The following PPDPFL variants were observed in gnomAD, a reference collection of about 807,000 sequenced individuals.
The protein encoded by PPDPFL is pancreatic progenitor cell differentiation and proliferation factor like, also known as pancreatic progenitor cell differentiation and proliferation factor-like protein.
Under a neutral mutation model 12.6 loss-of-function variants are expected in PPDPFL, and 12 were observed. The ratio of observed to expected loss-of-function variants is 0.95; its 90% CI spans 0.61 to 1.54. PPDPFL has a LOEUF of 1.54. PPDPFL is among the 40% of genes most tolerant of loss of function. PPDPFL has a pLI of 0.00. For synonymous variants in PPDPFL, 24 were observed against 32.7 expected, an observed-to-expected ratio of 0.73 and a Z score of 0.91; for missense variants, 114 against 96.0, an observed-to-expected ratio of 1.19 and a Z score of -0.78.
intron 1 of PPDPFL, among the ~76,000 whole-genome samples, chr8:49,060,383 G>A (rs1808179519): frequency 6.6e-6 from 1 of 151,900 alleles, no homozygotes; most frequent in South Asian, 2.1e-4. Context: ...GCAGGATCTC[G>A]GCTCACCTCA....
intron 1 of PPDPFL, chr8:49,054,374 A>G (rs1399112096): frequency 6.6e-6 from 1 of 152,128 alleles, no homozygotes; most frequent in Non-Finnish European, 1.5e-5. Context: ...GGCATAGTAA[A>G]TATATTTTCT....
chr8:49,072,738 A>C, intron 1 of PPDPFL, 49 bp from the exon 2 acceptor site: 1 of 844,942 alleles, frequency 1.2e-6, no homozygotes. Context: ...AAGAAAAGGA[A>C]ACTCCCTGTT....
chr8:49,075,302 C>T lies in PPDPFL; in HGVS notation c.*129C>T. On this transcript the variant is annotated 3_prime_UTR_variant, in exon 5 of 5. Transcript: ENST00000522267. The stretch of plus-strand genomic sequence containing the variant: ...CAGTGGTCCATACATGAACAGCTCC[C>T]CTTCAGCGCCCCAGCTATTCCAGGA... The T allele has an allele frequency of 1.3e-6, 2 of 1,580,430 alleles. No individual in the cohort carries two copies. Among genetic ancestry groups the T allele is most frequent in the Non-Finnish European group, 8.7e-7 (1 of 1,149,384 alleles).
chr8:49,071,323 AG>A (rs1563300858), upstream of PPDPFL, among the ~76,000 whole-genome samples: 1 of 152,252 alleles, frequency 6.6e-6, no homozygotes, highest in Non-Finnish European at 1.5e-5. Flanking sequence ...CTCAATGTAA[AG>A]GGAGCCACAA....
At chr8:49,055,019 G>C (rs1191269928) in intron 1 of PPDPFL, among the ~76,000 whole-genome samples, 1 of 152,158 alleles carries the variant, frequency 6.6e-6, no homozygotes, top group African/African-American at 2.4e-5. Context: ...TGATGCTTCA[G>C]AAACCTCAAG....
At chr8:49,058,545 A>C (rs977638849) in intron 1 of PPDPFL, among the ~76,000 whole-genome samples, 1 of 152,234 alleles carries the variant, frequency 6.6e-6, no homozygotes, top group Non-Finnish European at 1.5e-5. Context: ...AATGTGTTTT[A>C]ATTACAGTTT....
chr8:49,066,310 T>C (rs1251520169), intron 1 of PPDPFL, among the ~76,000 whole-genome samples: 1 of 152,196 alleles, frequency 6.6e-6, no homozygotes, highest in Non-Finnish European at 1.5e-5. Flanking sequence ...TGGCCTAGGG[T>C]TAGCCACTAA....
chr8:49,056,577 A>C (rs1419139963), intron 1 of PPDPFL, among the ~76,000 whole-genome samples: 1 of 152,214 alleles, frequency 6.6e-6, no homozygotes, highest in Non-Finnish European at 1.5e-5. Context: ...ATACACAAAA[A>C]GTCTTTGAAT....
At chr8:49,063,841 G>A (rs1286694718) in intron 1 of PPDPFL, among the ~76,000 whole-genome samples, 3 of 152,162 alleles carry the variant, frequency 2.0e-5, no homozygotes, top group Admixed American at 2.0e-4. Flanking sequence ...TGGATTGGGG[G>A]GAAGTCCGGA....
At chr8:49,060,045 G>A (rs532700399) in intron 1 of PPDPFL, among the ~76,000 whole-genome samples, 1 of 152,216 alleles carries the variant, frequency 6.6e-6, no homozygotes, top group South Asian at 2.1e-4. Context: ...AGAAATAGAA[G>A]GGAAATGAAA....
upstream of PPDPFL, among the ~76,000 whole-genome samples, chr8:49,067,444 G>A (rs1014937789): frequency 2.0e-5 from 3 of 152,124 alleles, no homozygotes; most frequent in East Asian, 1.9e-4. Context: ...TTTTATAACC[G>A]CAGATTAGAA....
upstream of PPDPFL, among the ~76,000 whole-genome samples, chr8:49,072,000 C>A (rs1364553253): frequency 6.6e-6 from 1 of 152,198 alleles, no homozygotes; most frequent in African/African-American, 2.4e-5. Context: ...CTTGTACATC[C>A]CACACGTGCC....
At chr8:49,062,201 T>C (rs1381799998) in intron 1 of PPDPFL, among the ~76,000 whole-genome samples, 1 of 152,182 alleles carries the variant, frequency 6.6e-6, no homozygotes, top group Non-Finnish European at 1.5e-5. Flanking sequence ...TGGAGCTGGC[T>C]CAAGGAGTGC....
At chr8:49,073,496 A>G (rs1258083960) in intron 2 of PPDPFL, among the ~76,000 whole-genome samples, 1 of 152,238 alleles carries the variant, frequency 6.6e-6, no homozygotes, top group Non-Finnish European at 1.5e-5. Flanking sequence ...TGTTTGTAGT[A>G]TAAGTGTTAG....
In PPDPFL at chr8:49,075,402, A is replaced by G; in HGVS notation, c.*229A>G. 6 of 901,660 alleles carry G rather than the reference A, an allele frequency of 6.7e-6. No individual in the cohort carries two copies. Among genetic ancestry groups the G allele is most frequent in the Non-Finnish European group, 7.1e-6 (4 of 563,758 alleles). The allele number at this position is 901,660 out of a possible 1,614,324, so 55.9% of individuals were successfully genotyped here. ...AGACAAGATCACAGCAGCCACTGAT[A>G]TAAAAAAAGTTTAGGCATTTTTCTC... On this transcript the variant is annotated 3_prime_UTR_variant, in exon 5 of 5. Transcript: ENST00000522267.
At chr8:49,059,241 G>A (rs1808158391) in intron 1 of PPDPFL, among the ~76,000 whole-genome samples, 1 of 152,108 alleles carries the variant, frequency 6.6e-6, no homozygotes, top group Non-Finnish European at 1.5e-5. Context: ...GTGGTGTGGT[G>A]TGGTGTGGGG....
intron 2 of PPDPFL, among the ~76,000 whole-genome samples, chr8:49,073,731 T>G (rs981081807): frequency 6.6e-6 from 1 of 152,232 alleles, no homozygotes; most frequent in African/African-American, 2.4e-5. Flanking sequence ...TCTAATGTAG[T>G]ACAACAATAT....
At chr8:49,072,249 T>G (rs987958584), upstream of PPDPFL, 3 of 152,428 alleles carry the variant, frequency 2.0e-5, no homozygotes, top group African/African-American at 7.2e-5. Context: ...TGCCTCTGGC[T>G]GGCTGTGTGC....
chr8:49,062,455 G>C (rs1382917424), intron 1 of PPDPFL, among the ~76,000 whole-genome samples: 1 of 152,184 alleles, frequency 6.6e-6, no homozygotes, highest in African/African-American at 2.4e-5. Flanking sequence ...TCCTACTTAA[G>C]CTGGTTGTGT....
Sources: allele counts gnomAD v4.1 joint callset (sites outside exome capture counted in the v4.1 genomes callset), GRCh38; gene constraint gnomAD v4.1.1; transcripts MANE v1.5; gene names NCBI Gene and HGNC (gene_info 2026-07-23, HGNC 2026-07-21).